The following LNX1 variants were observed in gnomAD, a reference collection of about 807,000 sequenced individuals.
The protein encoded by LNX1 is E3 ubiquitin-protein ligase LNX.
A neutral mutation model predicts 68.4 loss-of-function variants in LNX1; 54 were observed. The observed-to-expected ratio is 0.79, with a 90% confidence interval of 0.63 to 0.99. The LOEUF is 0.99. Among genes scored for constraint, LNX1 ranks in the 50% least tolerant of loss-of-function variants. The probability of loss-of-function intolerance (pLI) is 0.00; values close to 1 mark genes in which losing one functional copy is unlikely to be tolerated. For synonymous variants in LNX1, 336 were observed against 350.0 expected (o/e 0.96, Z 0.45); for missense variants, 906 against 926.4 (o/e 0.98, Z 0.29).
Position 53,508,053 on chromosome 4 carries a change from C to G in LNX1, c.555G>C (p.Val185=), listed in dbSNP as rs1327321913. ...CTGGCTGCCCGTCCTCTGCCGAGGA[C>G]ACGTAGGCAGGGTTGTCTAGGCCAG... ...DEPGLDNPAY[V]SSAEDGQPAI... is the part of the protein sequence containing the mutation. The change falls in exon 3 of 11, where the codon GTG becomes GTC. Residue 185 remains valine, a synonymous_variant. Coordinates refer to ENST00000263925, the MANE Select transcript of LNX1 (RefSeq NM_001126328.3). The G allele has an allele frequency of 6.2e-7, 1 of 1,614,138 alleles. No homozygotes were observed.
chr4:53,508,526 T>C lies in LNX1; in HGVS notation c.381-299A>G, dbSNP rs1579436165. On this transcript the variant is annotated intron_variant, in intron 2 of 10. Transcript: ENST00000263925. ...CAGGTCACCATGGTGTCTACATGAGTAGGGTTTGAGGCTGGCAATGTTCAA... is the reference window on the plus strand; with the variant it reads ...CAGGTCACCATGGTGTCTACATGAGCAGGGTTTGAGGCTGGCAATGTTCAA... 1.2e-5 allele frequency: 4 copies of C among 334,466 alleles called. No individual in the cohort carries two copies. The East Asian group carries it at 1.7e-4, about 14-fold the overall frequency. The allele number at this position is 334,466 out of a possible 1,614,324, so 20.7% of individuals were successfully genotyped here. A position where few individuals can be genotyped will look rare whatever the true frequency, so the allele number is the denominator to read the frequency against.
At chr4:53,540,324 A>ACCAT (rs1728662751) in intron 2 of LNX1, among the ~76,000 whole-genome samples, 1 of 152,144 alleles carries the variant, frequency 6.6e-6, no homozygotes, top group South Asian at 2.1e-4. Context: ...TTGAGGCTGC[A>ACCAT]GTAAGTCATG....
intron 1 of LNX1, chr4:53,579,166 T>G: frequency 3.2e-6 from 2 of 617,184 alleles, no homozygotes; most frequent in Non-Finnish European, 4.0e-6. Flanking sequence ...TGGCCCTAAC[T>G]GAAGTAAGTA....
At chr4:53,466,064 C>T (rs1240873864) in intron 9 of LNX1, among the ~76,000 whole-genome samples, 2 of 152,142 alleles carry the variant, frequency 1.3e-5, no homozygotes, top group African/African-American at 4.8e-5. Context: ...GCCAACACCT[C>T]TCCACAAGTG....
intron 1 of LNX1, among the ~76,000 whole-genome samples, chr4:53,628,760 C>T (rs956391989): frequency 2.0e-5 from 3 of 151,924 alleles, no homozygotes; most frequent in African/African-American, 4.8e-5. Flanking sequence ...ATTTAAAAAC[C>T]GTGGTACAAG....
chr4:53,607,016 A>G (rs1435285467), intron 2 of LNX1, among the ~76,000 whole-genome samples: 1 of 152,222 alleles, frequency 6.6e-6, no homozygotes, highest in Non-Finnish European at 1.5e-5. Context: ...GAATGGGCAT[A>G]AACTGGAAGC....
At chr4:53,465,028 G>GTT (rs1432417732) in intron 9 of LNX1, among the ~76,000 whole-genome samples, 1 of 152,000 alleles carries the variant, frequency 6.6e-6, no homozygotes, top group African/African-American at 2.4e-5. Context: ...CTTGATAATT[G>GTT]TTATCAAGTT....
In LNX1 at chr4:53,598,117, A is replaced by G. The variant is rs150740791; in HGVS notation, c.-214-6602T>C. 5.5e-3 allele frequency among the ~76,000 whole-genome samples: 839 copies of G among 152,316 alleles called. 9 individuals carry two copies. Among genetic ancestry groups the G allele is most frequent in the Middle Eastern group, 0.014 (4 of 294 alleles). On this transcript the variant is annotated intron_variant, in intron 2 of 3. Coordinates refer to the LNX1 transcript ENST00000504299. ...CAGGCAGTATTATTCCTCCATCTGC[A>G]GGGCTCAGCTCAGATACCATCTCCT... is the stretch of plus-strand genomic sequence containing the variant.
chr4:53,605,352 A>G (rs1298265177), intron 2 of LNX1, among the ~76,000 whole-genome samples: 1 of 152,180 alleles, frequency 6.6e-6, no homozygotes, highest in Non-Finnish European at 1.5e-5. Context: ...TTTGATGTAT[A>G]TTTTATTAAA....
At chr4:53,561,686 G>A (rs1315254675) in intron 2 of LNX1, among the ~76,000 whole-genome samples, 2 of 152,130 alleles carry the variant, frequency 1.3e-5, no homozygotes, top group Non-Finnish European at 1.5e-5. Context: ...AAGTTAATCC[G>A]GAAAATATTC....
chr4:53,620,509 T>A (rs1213955106), upstream of LNX1, among the ~76,000 whole-genome samples: 1 of 151,932 alleles, frequency 6.6e-6, no homozygotes, highest in Admixed American at 6.6e-5. Context: ...TCAGACACAG[T>A]GTTAGGTGTT....
At chr4:53,576,542 A>G (rs1450722411) in intron 1 of LNX1, among the ~76,000 whole-genome samples, 1 of 151,968 alleles carries the variant, frequency 6.6e-6, no homozygotes, top group Non-Finnish European at 1.5e-5. Flanking sequence ...TAGGTTGGGC[A>G]TTTTCATTCT....
chr4:53,500,656 G>T (rs138451862), intron 4 of LNX1, among the ~76,000 whole-genome samples: 1 of 152,342 alleles, frequency 6.6e-6, no homozygotes, highest in East Asian at 1.9e-4. Context: ...TGTTGTAAAT[G>T]TGGGTCCTTA....
chr4:53,581,716 C>T (rs1045288593), intron 1 of LNX1, among the ~76,000 whole-genome samples: 1 of 152,148 alleles, frequency 6.6e-6, no homozygotes, highest in African/African-American at 2.4e-5. Context: ...ATTCAATTAC[C>T]TCCCCTTGCG....
intron 2 of LNX1, among the ~76,000 whole-genome samples, chr4:53,571,496 G>T (rs1370770537): frequency 6.6e-6 from 1 of 152,062 alleles, no homozygotes. Flanking sequence ...TCTGAAGATG[G>T]AAGAGGAGGC....
chr4:53,537,650 C>A (rs1728467785), intron 2 of LNX1, among the ~76,000 whole-genome samples: 3 of 152,202 alleles, frequency 2.0e-5, no homozygotes, highest in Admixed American at 2.0e-4. Flanking sequence ...TGAGACTCAG[C>A]ACTGCCAGGA....
At chr4:53,593,785 G>A (rs187848648), upstream of LNX1, 1 of 152,216 alleles carries the variant, frequency 6.6e-6, no homozygotes, top group Admixed American at 6.5e-5. Flanking sequence ...GCTACTTATT[G>A]TTCTGAGCAC....
At chr4:53,587,692 C>T (rs1421142713) in intron 1 of LNX1, among the ~76,000 whole-genome samples, 1 of 152,192 alleles carries the variant, frequency 6.6e-6, no homozygotes, top group Non-Finnish European at 1.5e-5. Context: ...TCCCACCAGA[C>T]CCTATTTTCT....
intron 1 of LNX1, among the ~76,000 whole-genome samples, chr4:53,641,875 C>G (rs1469904554): frequency 6.6e-6 from 1 of 151,944 alleles, no homozygotes; most frequent in African/African-American, 2.4e-5. Flanking sequence ...TTTTTTTCTG[C>G]TTAGTATTGC....
Sources: allele counts gnomAD v4.1 joint callset (sites outside exome capture counted in the v4.1 genomes callset), GRCh38; gene constraint gnomAD v4.1.1; transcripts MANE v1.5; gene names NCBI Gene and HGNC (gene_info 2026-07-23, HGNC 2026-07-21).